Variants in BCAR3 observed in about 807,000 individuals in gnomAD.
BCAR3 encodes the protein BCAR3 adaptor protein, NSP family member.
BCAR3 carries 37 observed loss-of-function variants against 80.1 expected under a neutral mutation model. The ratio of observed to expected loss-of-function variants is 0.46; its 90% CI spans 0.36 to 0.61. The LOEUF (loss-of-function observed/expected upper bound fraction) is 0.61, where lower values mean the gene tolerates loss of function less well. Among genes scored for constraint, BCAR3 ranks in the 20% least tolerant of loss-of-function variants. The probability of loss-of-function intolerance (pLI) is 0.00; values close to 1 mark genes in which losing one functional copy is unlikely to be tolerated. For synonymous variants in BCAR3, 389 were observed against 418.9 expected (o/e 0.93, Z 0.87); for missense variants, 978 against 1,068.2 (o/e 0.92, Z 1.18).
chr1:93,582,801 C>T lies in BCAR3; in HGVS notation c.1186G>A (p.Asp396Asn), dbSNP rs1570930663. ...ARAGEALRGS[D>N]SQLCPKPPPK... ...GGGGGCTTAGGGCACAGTTGACTGT[C>T]TGATCCCCTCAGCGCCTCCCCAGCC... is the stretch of plus-strand genomic sequence containing the variant. The change falls in exon 7 of 12, where the codon GAC becomes AAC. Residue 396 changes from aspartate to asparagine, a missense_variant. Coordinates refer to ENST00000260502, the MANE Select transcript of BCAR3 (RefSeq NM_003567.4). The T allele has an allele frequency of 5.0e-6, 8 of 1,614,076 alleles. No homozygotes were observed. The East Asian group carries it at 1.3e-4, about 27-fold the overall frequency.
upstream of BCAR3, chr1:93,847,964 C>T (rs2100865969): frequency 2.2e-5 from 5 of 227,812 alleles, no homozygotes; most frequent in South Asian, 2.7e-4. Context: ...CGGTTTCGGC[C>T]TAAAGGAAAG....
intron 3 of BCAR3, among the ~76,000 whole-genome samples, chr1:93,690,976 T>C (rs1311884436): frequency 6.6e-6 from 1 of 152,212 alleles, no homozygotes; most frequent in Non-Finnish European, 1.5e-5. Context: ...ACACTTCTGT[T>C]TCACAGTTTT....
At chr1:93,690,300 CTT>C (rs1453542813) in intron 3 of BCAR3, among the ~76,000 whole-genome samples, 1 of 152,176 alleles carries the variant, frequency 6.6e-6, no homozygotes, top group Admixed American at 6.5e-5. Flanking sequence ...TCTAAACTGA[CTT>C]TTTTCTGATT....
intron 2 of BCAR3, among the ~76,000 whole-genome samples, chr1:93,769,081 G>A (rs185912765): frequency 2.6e-5 from 4 of 152,196 alleles, no homozygotes; most frequent in Admixed American, 6.5e-5. Flanking sequence ...AAGAGAGCAG[G>A]GTCTATAATT....
chr1:93,682,978 G>GA (rs969423349), upstream of BCAR3, among the ~76,000 whole-genome samples: 22 of 151,616 alleles, frequency 1.5e-4, no homozygotes, highest in Admixed American at 3.3e-4. Flanking sequence ...CTAATATAAA[G>GA]AAAAAAAACT....
At chr1:93,703,372 A>G (rs1649713587) in intron 3 of BCAR3, among the ~76,000 whole-genome samples, 1 of 152,136 alleles carries the variant, frequency 6.6e-6, no homozygotes. Flanking sequence ...GCAGGAGTTC[A>G]AGACCAGCCT....
chr1:93,704,766 C>T (rs868546276), intron 3 of BCAR3, among the ~76,000 whole-genome samples: 12 of 152,182 alleles, frequency 7.9e-5, no homozygotes, highest in Admixed American at 2.6e-4. Context: ...CCTCATTATT[C>T]GAGGTAATAA....
At chr1:93,837,348 G>C (rs1270778982) in intron 2 of BCAR3, among the ~76,000 whole-genome samples, 1 of 152,204 alleles carries the variant, frequency 6.6e-6, no homozygotes, top group Non-Finnish European at 1.5e-5. Context: ...AGCCTCAGTT[G>C]CTCTGTGTTT....
intron 4 of BCAR3, among the ~76,000 whole-genome samples, chr1:93,590,539 C>T (rs912540640): frequency 6.6e-6 from 1 of 152,116 alleles, no homozygotes; most frequent in Non-Finnish European, 1.5e-5. Context: ...AAGTAGTAAA[C>T]GAATGTAATG....
chr1:93,639,864 A>G (rs1197618845), intron 3 of BCAR3, among the ~76,000 whole-genome samples: 1 of 152,014 alleles, frequency 6.6e-6, no homozygotes, highest in Non-Finnish European at 1.5e-5. Context: ...GTTGGCCACA[A>G]CTGGGTGCTT....
intron 2 of BCAR3, among the ~76,000 whole-genome samples, chr1:93,647,577 C>T (rs1041123520): frequency 6.6e-6 from 1 of 152,096 alleles, no homozygotes; most frequent in African/African-American, 2.4e-5. Context: ...TTCTACGGGA[C>T]AGTGATATTC....
intron 7 of BCAR3, 42 bp from the exon 8 acceptor site, chr1:93,576,171 G>GCACA: frequency 6.7e-7 from 1 of 1,486,642 alleles, no homozygotes; most frequent in Non-Finnish European, 9.4e-7. Flanking sequence ...TCAGGAAGTG[G>GCACA]GCTTGCCTGA....
rs116131897 is a variant in BCAR3, at chr1:93,790,459, A to G, written c.-63+55108T>C. 2.5e-3 allele frequency among the ~76,000 whole-genome samples: 388 copies of G among 152,252 alleles called. 1 individual carries two copies. Among genetic ancestry groups the G allele is most frequent in the African/African-American group, 8.8e-3 (366 of 41,558 alleles). The stretch of plus-strand genomic sequence containing the variant: ...ACAACTTGAAGAGGGTTGAGTTCCA[A>G]TTCCCAAAAATATTTGATTATCAGT... On this transcript the variant is annotated intron_variant, in intron 2 of 13. Transcript: ENST00000370244.
Position 93,592,098 on chromosome 1 carries a change from A to C in BCAR3, c.486+167T>G. Reference sequence around the variant, plus strand: ...TGGGTTCTTGACCTCAGCTCTTCCCAAGGTCTTCTTAGAGAAGGGTCTAAA... The same window carrying C: ...TGGGTTCTTGACCTCAGCTCTTCCCCAGGTCTTCTTAGAGAAGGGTCTAAA... On this transcript the variant is annotated intron_variant, in intron 4 of 11. Transcript: ENST00000260502. The surrounding 1 kb of genome is among the most constrained non-coding windows in gnomAD (Gnocchi z 4.8). The C allele has an allele frequency of 3.1e-6, 3 of 968,844 alleles. No homozygotes were observed. The highest frequency in any genetic ancestry group is 2.9e-6 in the Non-Finnish European group (2 of 680,768). The allele number at this position is 968,844 out of a possible 1,614,324, so 60.0% of individuals were successfully genotyped here. A position where few individuals can be genotyped will look rare whatever the true frequency, so the allele number is the denominator to read the frequency against.
chr1:93,567,153 A>G, intron 11 of BCAR3, 126 bp downstream of exon 11: 1 of 1,172,602 alleles, frequency 8.5e-7, no homozygotes, highest in Non-Finnish European at 1.2e-6. Flanking sequence ...CATATAGGAA[A>G]TGGAATTCCA....
At chr1:93,577,050 A>C (rs114543061) in intron 7 of BCAR3, among the ~76,000 whole-genome samples, 2,023 of 152,288 alleles carry the variant, frequency 0.013, 49 homozygotes, top group African/African-American at 0.045. Flanking sequence ...GCTTCTTGGG[A>C]CACTAAGACA....
chr1:93,756,886 G>A (rs1188571565), intron 2 of BCAR3, among the ~76,000 whole-genome samples: 1 of 152,142 alleles, frequency 6.6e-6, no homozygotes, highest in Non-Finnish European at 1.5e-5. Context: ...GCTATGTAAT[G>A]GTTATCCCCA....
chr1:93,568,055 G>C, intron 9 of BCAR3: 2 of 456,070 alleles, frequency 4.4e-6, no homozygotes, highest in Admixed American at 3.5e-5. Context: ...GCGTGGTGGC[G>C]TGTGCCTGTA....
At chr1:93,689,361 A>G (rs1249736639) in intron 3 of BCAR3, among the ~76,000 whole-genome samples, 2 of 152,106 alleles carry the variant, frequency 1.3e-5, no homozygotes, top group African/African-American at 4.8e-5. Flanking sequence ...GGCAGCACAT[A>G]TACTAAAAAA....
Sources: allele counts gnomAD v4.1 joint callset (sites outside exome capture counted in the v4.1 genomes callset), GRCh38; gene constraint gnomAD v4.1.1; non-coding constraint Gnocchi (gnomAD v3.1); transcripts MANE v1.5; gene names NCBI Gene and HGNC (gene_info 2026-07-23, HGNC 2026-07-21).